RPS10: variants seen among roughly 807,000 people sequenced by gnomAD.
The protein encoded by RPS10 is small ribosomal subunit protein eS10.
In RPS10, 2 loss-of-function variants were observed where a neutral mutation model predicts 22.6. The observed-to-expected ratio is 0.09, with a 90% CI of 0.04 to 0.28. The LOEUF (loss-of-function observed/expected upper bound fraction) is 0.28, where lower values mean the gene tolerates loss of function less well. RPS10 is among the 10% of genes least tolerant of loss of function. RPS10 has a pLI of 1.00. For missense variants in RPS10, 137 were observed against 222.2 expected, an observed-to-expected ratio of 0.62 and a Z score of 2.44; for synonymous variants, 70 against 75.9, an observed-to-expected ratio of 0.92 and a Z score of 0.40.
In RPS10 at chr6:34,424,857, T is replaced by C. The variant is rs1461518173; in HGVS notation, c.151-17A>G. ...CTTGAGAGACTGTAAGGCAGAAAAC[T>C]ACTGTTAAGGCGTTAAGTAGAAGCT... is the stretch of plus-strand genomic sequence containing the variant. On this transcript the variant is annotated splice_polypyrimidine_tract_variant and intron_variant, in intron 2 of 5. Coordinates refer to ENST00000648437, the MANE Select transcript of RPS10 (RefSeq NM_001014.5). 7 of 1,613,716 alleles carry C rather than the reference T, an allele frequency of 4.3e-6. No homozygotes were observed. In the Admixed American group the frequency reaches 6.7e-5, roughly 15 times the overall value.
At chr6:34,418,525 T>C in intron 4 of RPS10, 101 bp from the exon 5 acceptor site, 1 of 1,565,142 alleles carries the variant, frequency 6.4e-7, no homozygotes, top group South Asian at 1.1e-5. Context: ...AAAAGCCAAG[T>C]ACCACTCCGT....
chr6:34,420,870 T>C (rs1380616103), intron 4 of RPS10, among the ~76,000 whole-genome samples: 2 of 151,514 alleles, frequency 1.3e-5, no homozygotes, highest in Non-Finnish European at 2.9e-5. Context: ...TAGCTGGGCA[T>C]GGCGGCGGTC....
chr6:34,421,150 A>C (rs900026251), intron 4 of RPS10, among the ~76,000 whole-genome samples: 1 of 146,852 alleles, frequency 6.8e-6, no homozygotes, highest in African/African-American at 2.5e-5. Context: ...TGGAGTGACA[A>C]CTTTAACAAT....
At chr6:34,424,215 C>T (rs562334736) in intron 3 of RPS10, 1 of 158,858 alleles carries the variant, frequency 6.3e-6, no homozygotes, top group South Asian at 1.7e-4. Context: ...ATTCTCCTCA[C>T]ACCACACATG....
intron 4 of RPS10, among the ~76,000 whole-genome samples, chr6:34,421,307 C>T (rs1765758443): frequency 6.6e-6 from 1 of 151,968 alleles, no homozygotes; most frequent in Non-Finnish European, 1.5e-5. Context: ...CCTCAGCCTC[C>T]TAAGTAGCTG....
At chr6:34,424,116 C>CTGGG (rs1765863680) in intron 3 of RPS10, among the ~76,000 whole-genome samples, 1 of 114,580 alleles carries the variant, frequency 8.7e-6, no homozygotes, top group African/African-American at 3.5e-5. Context: ...GCACTCCAGG[C>CTGGG]TGGGCAACAG....
chr6:34,424,375 G>C, intron 3 of RPS10: 1 of 411,362 alleles, frequency 2.4e-6, no homozygotes, highest in Non-Finnish European at 4.6e-6. Flanking sequence ...ATAGTACAAC[G>C]CACTCTGCGG....
intron 3 of RPS10, chr6:34,424,295 T>C: frequency 3.4e-6 from 1 of 292,098 alleles, no homozygotes. Flanking sequence ...TCTTCTCCTG[T>C]TGGCAAGAAA....
At chr6:34,418,676 C>A (rs1454057344) in intron 4 of RPS10, among the ~76,000 whole-genome samples, 12 of 152,142 alleles carry the variant, frequency 7.9e-5, no homozygotes, top group Non-Finnish European at 1.8e-4. Flanking sequence ...AGGATTCCTA[C>A]TTCCTATCAC....
intron 5 of RPS10, 162 bp downstream of exon 5, chr6:34,418,207 G>A (rs987592016): frequency 1.3e-6 from 2 of 1,525,168 alleles, no homozygotes; most frequent in African/African-American, 2.8e-5. Flanking sequence ...AAGTTTGCAT[G>A]CTACAACTCA....
Position 34,424,703 on chromosome 6 carries a change from A to G in RPS10, c.288T>C (p.Arg96=), listed in dbSNP as rs939224320. The G allele has an allele frequency of 6.2e-7, 1 of 1,614,186 alleles. No homozygotes were observed. The highest frequency in any genetic ancestry group is 1.1e-5 in the South Asian group (1 of 91,076). The change falls in exon 3 of 6, where the codon CGT becomes CGC. Residue 96 remains arginine (R), a synonymous_variant. Transcript: ENST00000648437. The part of the protein sequence containing the change: ...PPEIVPATLR[R]SRPETGRPRP... ...GAGGCCTGCCAGTCTCTGGACGGCT[A>G]CGGCGTAGGGTGGCAGGCACAATCT...
intron 3 of RPS10, among the ~76,000 whole-genome samples, chr6:34,423,591 A>G (rs931171284): frequency 6.6e-6 from 1 of 152,220 alleles, no homozygotes; most frequent in Non-Finnish European, 1.5e-5. Context: ...TTTGCTAAAA[A>G]GACGTATTAT....
intron 4 of RPS10, among the ~76,000 whole-genome samples, chr6:34,419,431 G>A (rs758403329): frequency 6.6e-6 from 1 of 152,104 alleles, no homozygotes; most frequent in Non-Finnish European, 1.5e-5. Flanking sequence ...CCTAAGTGCT[G>A]GAATTACGGG....
chr6:34,419,403 T>G (rs1278943554), intron 4 of RPS10, among the ~76,000 whole-genome samples: 1 of 152,152 alleles, frequency 6.6e-6, no homozygotes. Flanking sequence ...GCTCAAGTGA[T>G]CTGCCTGCCT....
rs746719156 is a variant in RPS10 at position 34,425,192 on chromosome 6, G to A, written c.30C>T (p.Ala10=). MLMPKKNRI[A]IYELLFKEGV... ...CCTCCTTAAAAAGGAGTTCATAAATGGCAATCCGGTTCTTCTTAGGCATCA... is the reference window on the plus strand; with the variant it reads ...CCTCCTTAAAAAGGAGTTCATAAATAGCAATCCGGTTCTTCTTAGGCATCA... Residue 10 remains alanine, a synonymous_variant, in exon 2 of 6, where the codon GCC becomes GCT. Coordinates refer to ENST00000648437, the MANE Select transcript of RPS10 (RefSeq NM_001014.5). 1.9e-6 allele frequency: 3 copies of A among 1,612,972 alleles called. No individual in the cohort carries two copies. Among genetic ancestry groups the A allele is most frequent in the Middle Eastern group, 1.7e-4 (1 of 6,056 alleles).
In RPS10 at chr6:34,424,780, G is replaced by T; in HGVS notation, c.211C>A (p.Leu71Ile). ...QFAWRHFYWY[L>I]TNEGIQYLRD... ...AGATACTGGATACCCTCATTGGTAAGGTACCAGTAGAAATGTCTCCAGGCA... is the reference window on the plus strand; with the variant it reads ...AGATACTGGATACCCTCATTGGTAATGTACCAGTAGAAATGTCTCCAGGCA... The change falls in exon 3 of 6, where the codon CTT (leucine) becomes ATT (isoleucine). Residue 71 changes from leucine (L) to isoleucine (I), a missense_variant. Coordinates refer to ENST00000648437, the MANE Select transcript of RPS10 (RefSeq NM_001014.5). 6.2e-7 allele frequency: 1 copy of T among 1,614,136 alleles called. No individual in the cohort carries two copies. Among genetic ancestry groups the T allele is most frequent in the Non-Finnish European group, 8.5e-7 (1 of 1,180,030 alleles).
intron 4 of RPS10, among the ~76,000 whole-genome samples, chr6:34,418,694 G>C (rs1172331303): frequency 1.3e-5 from 2 of 151,952 alleles, no homozygotes; most frequent in African/African-American, 2.4e-5. Flanking sequence ...CACACTGACT[G>C]ACTTACCCAC....
chr6:34,425,054 T>G lies in RPS10; in HGVS notation c.150+18A>C. On this transcript the variant is annotated intron_variant, in intron 2 of 5. Transcript: ENST00000648437. ...CCGGGGAGGAAGATCCATCCCATCT[T>G]CCTCCTCACCCTCCTACCTGCATGG... 1 of 1,611,916 alleles carries G rather than the reference T, an allele frequency of 6.2e-7. No individual in the cohort carries two copies. Among genetic ancestry groups the G allele is most frequent in the East Asian group, 2.2e-5 (1 of 44,844 alleles).
chr6:34,417,862 T>C (rs767806974), intron 5 of RPS10: 2 of 718,344 alleles, frequency 2.8e-6, no homozygotes, highest in Non-Finnish European at 2.6e-6. Context: ...TTTTTACAAA[T>C]GACATTATCT....
Sources: allele counts gnomAD v4.1 joint callset (sites outside exome capture counted in the v4.1 genomes callset), GRCh38; gene constraint gnomAD v4.1.1; transcripts MANE v1.5; gene names NCBI Gene and HGNC (gene_info 2026-07-23, HGNC 2026-07-21).